The following DACH2 variants were observed in gnomAD, a reference collection of about 807,000 sequenced individuals.
The protein encoded by DACH2 is dachshund family transcription factor 2, also known as dachshund homolog 2.
In DACH2, 17 loss-of-function variants were observed where a neutral mutation model predicts 35.8. The ratio of observed to expected loss-of-function variants is 0.48; its 90% CI spans 0.33 to 0.71. The LOEUF is 0.71. Among genes scored for constraint, DACH2 ranks in the 30% least tolerant of loss-of-function variants. DACH2 has a pLI of 0.02. For synonymous variants in DACH2, 195 were observed against 177.3 expected (o/e 1.10, Z -0.79); for missense variants, 469 against 472.7 (o/e 0.99, Z 0.07).
At chrX:86,345,387 A>T (rs1199452366) in intron 1 of DACH2, 1 of 288,467 alleles carries the variant, frequency 3.5e-6, no homozygotes, top group African/African-American at 2.8e-5. Flanking sequence ...TCCTGACATG[A>T]ATTAGATTGT....
intron 1 of DACH2, among the ~76,000 whole-genome samples, chrX:86,309,453 C>A (rs779339659): frequency 9.4e-6 from 1 of 106,430 alleles, no homozygotes; most frequent in South Asian, 4.3e-4. Flanking sequence ...ACTGTCCTAC[C>A]ACAGGGGTAT....
intron 3 of DACH2, among the ~76,000 whole-genome samples, chrX:86,548,791 A>G (rs1038042949): frequency 8.9e-6 from 1 of 112,425 alleles, no homozygotes. Context: ...CCATCTTAAA[A>G]TACTTAACAA....
intron 4 of DACH2, among the ~76,000 whole-genome samples, chrX:86,690,589 G>A (rs766616775): frequency 9.0e-6 from 1 of 111,201 alleles, no homozygotes; most frequent in African/African-American, 3.3e-5. Context: ...ATAACCTTCT[G>A]GGAACCCTAA....
At chrX:86,421,830 G>GT (rs1569392911) in intron 2 of DACH2, among the ~76,000 whole-genome samples, 1 of 110,750 alleles carries the variant, frequency 9.0e-6, no homozygotes, top group Non-Finnish European at 1.9e-5. Flanking sequence ...TGCATATTTT[G>GT]TTTTTTCCAA....
At chrX:86,423,869 A>G (rs944823353) in intron 2 of DACH2, among the ~76,000 whole-genome samples, 2 of 110,694 alleles carry the variant, frequency 1.8e-5, no homozygotes, top group South Asian at 3.8e-4. Context: ...GGGTCAAATC[A>G]GAAATAGGGT....
At chrX:86,571,996 T>C (rs2039376319) in intron 3 of DACH2, among the ~76,000 whole-genome samples, 1 of 111,292 alleles carries the variant, frequency 9.0e-6, no homozygotes. Context: ...CTGTATCTTG[T>C]TGATGCCTTT....
chrX:86,461,204 A>T (rs1212734463), intron 2 of DACH2, among the ~76,000 whole-genome samples: 2 of 111,623 alleles, frequency 1.8e-5, no homozygotes, highest in Non-Finnish European at 3.8e-5. Context: ...GTGCATGTTC[A>T]TCATTATATA....
intron 6 of DACH2, among the ~76,000 whole-genome samples, chrX:86,721,716 C>T (rs886871931): frequency 9.0e-6 from 1 of 111,499 alleles, no homozygotes; most frequent in East Asian, 2.8e-4. Context: ...TATATTAGCT[C>T]ATTCTCATGA....
intron 7 of DACH2, among the ~76,000 whole-genome samples, chrX:86,800,496 AAG>A (rs1427203672): frequency 9.0e-6 from 1 of 111,718 alleles, no homozygotes; most frequent in Non-Finnish European, 1.9e-5. Flanking sequence ...TTATCAGAAA[AAG>A]AGTGTCCATA....
intron 3 of DACH2, among the ~76,000 whole-genome samples, chrX:86,625,060 T>C (rs1197648144): frequency 8.9e-6 from 1 of 111,846 alleles, no homozygotes; most frequent in Non-Finnish European, 1.9e-5. Context: ...GTTAGCAACC[T>C]CAAGATATTG....
intron 1 of DACH2, among the ~76,000 whole-genome samples, chrX:86,305,824 C>A (rs2034674979): frequency 9.0e-6 from 1 of 111,086 alleles, no homozygotes; most frequent in Non-Finnish European, 1.9e-5. Context: ...TGACACATAA[C>A]CAGCAGGTAT....
In DACH2 at chrX:86,486,547, C is replaced by T. The variant is rs888491717; in HGVS notation, c.528-27732C>T. 4.5e-5 allele frequency among the ~76,000 whole-genome samples: 5 copies of T among 111,246 alleles called. No homozygotes were observed. In the South Asian group the frequency reaches 1.9e-3, roughly 42 times the overall value. On this transcript the variant is annotated intron_variant, in intron 2 of 11. Coordinates refer to ENST00000373125, the MANE Select transcript of DACH2 (RefSeq NM_053281.3). ...TCAATCTCCAAGGGAGATGGCCATG[C>T]ACAATTCTCCTCTTCAGACTCCTGC...
chrX:86,742,744 T>C, intron 7 of DACH2: 1 of 288,619 alleles, frequency 3.5e-6, no homozygotes, highest in South Asian at 3.5e-5. Flanking sequence ...GATTTTTGCT[T>C]ATTTGATACA....
At chrX:86,468,579 G>A (rs939608838) in intron 2 of DACH2, among the ~76,000 whole-genome samples, 6 of 111,674 alleles carry the variant, frequency 5.4e-5, no homozygotes, top group African/African-American at 2.0e-4. Context: ...TCATGCTAAA[G>A]ATATAAACTC....
intron 3 of DACH2, among the ~76,000 whole-genome samples, chrX:86,525,188 A>G (rs1198386985): frequency 9.0e-6 from 1 of 111,365 alleles, no homozygotes; most frequent in Admixed American, 9.6e-5. Flanking sequence ...CTATCTCTGA[A>G]AAAAACAAAC....
intron 1 of DACH2, among the ~76,000 whole-genome samples, chrX:86,361,900 T>C (rs183332011): frequency 7.4e-4 from 82 of 111,322 alleles, no homozygotes; most frequent in African/African-American, 2.3e-3. Context: ...AAATAATATA[T>C]TGGAGACCTC....
intron 5 of DACH2, among the ~76,000 whole-genome samples, chrX:86,705,258 T>A (rs1437975477): frequency 5.5e-5 from 6 of 109,475 alleles, no homozygotes; most frequent in Admixed American, 4.9e-4. Flanking sequence ...TGCAAAGGCA[T>A]AAGAATGATA....
chrX:86,570,831 T>C (rs1463146548), intron 3 of DACH2, among the ~76,000 whole-genome samples: 1 of 111,427 alleles, frequency 9.0e-6, no homozygotes, highest in Non-Finnish European at 1.9e-5. Flanking sequence ...TTTCTTTATA[T>C]AGTTTGGATG....
intron 2 of DACH2, among the ~76,000 whole-genome samples, chrX:86,386,039 C>T (rs749343061): frequency 8.9e-6 from 1 of 111,925 alleles, no homozygotes; most frequent in Non-Finnish European, 1.9e-5. Context: ...ACACTGTTAA[C>T]TAAGTTTATA....
Sources: allele counts gnomAD v4.1 joint callset (sites outside exome capture counted in the v4.1 genomes callset), GRCh38; gene constraint gnomAD v4.1.1; transcripts MANE v1.5; gene names NCBI Gene and HGNC (gene_info 2026-07-23, HGNC 2026-07-21).